The following ESRRG variants were observed in gnomAD, a reference collection of about 807,000 sequenced individuals.
ESRRG encodes the protein estrogen related receptor gamma.
Under a neutral mutation model 44.0 loss-of-function variants are expected in ESRRG, and 13 were observed. That is an observed-to-expected ratio of 0.30 (90% CI 0.19 to 0.47). The LOEUF (loss-of-function observed/expected upper bound fraction) is 0.47, where lower values mean the gene tolerates loss of function less well. Among genes scored for constraint, ESRRG ranks in the 20% least tolerant of loss-of-function variants. The probability of loss-of-function intolerance (pLI) is 1.00; values close to 1 mark genes in which losing one functional copy is unlikely to be tolerated. For missense variants in ESRRG, 395 were observed against 580.6 expected (o/e 0.68, Z 3.29); for synonymous variants, 215 against 214.6 (o/e 1.00, Z -0.02).
At chr1:216,860,253 G>A (rs1390633826) in intron 2 of ESRRG, among the ~76,000 whole-genome samples, 1 of 152,078 alleles carries the variant, frequency 6.6e-6, no homozygotes, top group Non-Finnish European at 1.5e-5. Context: ...GACAGAGCGA[G>A]ACTCTGTCAA....
chr1:216,863,691 T>C (rs2096093239), intron 2 of ESRRG: 1 of 152,214 alleles, frequency 6.6e-6, no homozygotes, highest in Non-Finnish European at 1.5e-5. Context: ...TTTTTCTTTC[T>C]CAGGAGTCAT....
chr1:216,914,055 G>GA (rs987564992), intron 2 of ESRRG, among the ~76,000 whole-genome samples: 12 of 152,048 alleles, frequency 7.9e-5, no homozygotes, highest in Non-Finnish European at 1.6e-4. Context: ...TCCTGGTCAA[G>GA]AAAAACCTAT....
At chr1:216,948,382 C>T (rs1004810899) in intron 1 of ESRRG, among the ~76,000 whole-genome samples, 4 of 148,256 alleles carry the variant, frequency 2.7e-5, no homozygotes, top group African/African-American at 1.0e-4. Flanking sequence ...GAGGTGTAGG[C>T]AGGAGAATCT....
At chr1:217,121,140 A>G (rs2102497988) in intron 1 of ESRRG, among the ~76,000 whole-genome samples, 1 of 152,170 alleles carries the variant, frequency 6.6e-6, no homozygotes, top group South Asian at 2.1e-4. Flanking sequence ...ACACACACAC[A>G]CACACACACA....
chr1:216,938,587 A>T (rs1034900684), intron 2 of ESRRG, among the ~76,000 whole-genome samples: 5 of 152,202 alleles, frequency 3.3e-5, no homozygotes, highest in African/African-American at 1.2e-4. Flanking sequence ...CTAAAGTGCC[A>T]TTTTCCACAC....
intron 6 of ESRRG, among the ~76,000 whole-genome samples, chr1:216,508,084 G>A (rs1277613401): frequency 6.6e-6 from 1 of 152,120 alleles, no homozygotes; most frequent in African/African-American, 2.4e-5. Context: ...GTCTTTGGGG[G>A]ATTCTTCATG....
intron 3 of ESRRG, among the ~76,000 whole-genome samples, chr1:216,608,402 C>G (rs2060208279): frequency 6.6e-6 from 1 of 152,094 alleles, no homozygotes; most frequent in South Asian, 2.1e-4. Flanking sequence ...AATCTTCTTT[C>G]TTAGGGGATC....
chr1:216,930,808 A>T (rs1007524702), intron 2 of ESRRG, among the ~76,000 whole-genome samples: 4 of 152,234 alleles, frequency 2.6e-5, no homozygotes, highest in African/African-American at 9.6e-5. Context: ...ATGGGACTCC[A>T]GTTAGCTTGT....
At chr1:216,644,895 T>C (rs1187069587) in intron 3 of ESRRG, among the ~76,000 whole-genome samples, 1 of 152,206 alleles carries the variant, frequency 6.6e-6, no homozygotes, top group Non-Finnish European at 1.5e-5. Flanking sequence ...CCTGCTCTTC[T>C]CCTTTCCTAC....
intron 1 of ESRRG, among the ~76,000 whole-genome samples, chr1:216,975,672 T>A (rs969335073): frequency 6.6e-6 from 1 of 152,208 alleles, no homozygotes; most frequent in Non-Finnish European, 1.5e-5. Context: ...TACTTTTAAG[T>A]CTTGAGGAGA....
intron 6 of ESRRG, among the ~76,000 whole-genome samples, chr1:216,513,361 G>A (rs749039499): frequency 2.6e-5 from 4 of 152,088 alleles, no homozygotes; most frequent in South Asian, 2.1e-4. Context: ...TCAAAAAAAT[G>A]TTTAGGTTTC....
At chr1:216,629,676 G>A (rs2063782052) in intron 3 of ESRRG, among the ~76,000 whole-genome samples, 1 of 152,174 alleles carries the variant, frequency 6.6e-6, no homozygotes, top group African/African-American at 2.4e-5. Context: ...CCACCAGGAA[G>A]TAACTTGCGC....
At chr1:216,541,006 G>C (rs2052548819) in intron 5 of ESRRG, among the ~76,000 whole-genome samples, 1 of 152,080 alleles carries the variant, frequency 6.6e-6, no homozygotes, top group African/African-American at 2.4e-5. Flanking sequence ...TCTCTTTTGA[G>C]GCAGGCAACA....
At chr1:216,672,651 T>A (rs967667085) in intron 2 of ESRRG, among the ~76,000 whole-genome samples, 2 of 152,162 alleles carry the variant, frequency 1.3e-5, no homozygotes, top group East Asian at 3.9e-4. Context: ...GAGGATCATT[T>A]GAGGCTAGGA....
chr1:216,902,923 T>G (rs2059253815), intron 2 of ESRRG, among the ~76,000 whole-genome samples: 1 of 152,158 alleles, frequency 6.6e-6, no homozygotes, highest in African/African-American at 2.4e-5. Flanking sequence ...TCCATCCTGT[T>G]TGCACGTTCC....
At chr1:216,709,808 CA>C (rs59790025) in intron 1 of ESRRG, among the ~76,000 whole-genome samples, 1 of 151,802 alleles carries the variant, frequency 6.6e-6, no homozygotes, top group African/African-American at 2.4e-5. Flanking sequence ...ATTAAACACA[CA>C]AAAAAATCTT....
At chr1:216,900,842 T>C (rs989654579) in intron 2 of ESRRG, among the ~76,000 whole-genome samples, 8 of 152,192 alleles carry the variant, frequency 5.3e-5, no homozygotes, top group Non-Finnish European at 8.8e-5. Context: ...CATGTAACCA[T>C]ATCCAGTTCT....
chr1:216,753,649 G>A (rs1465517795), intron 2 of ESRRG, among the ~76,000 whole-genome samples: 5 of 152,090 alleles, frequency 3.3e-5, no homozygotes. Context: ...ACATAAAAGT[G>A]TATATATTCT....
At chr1:217,060,865 G>A (rs536625915) in intron 1 of ESRRG, among the ~76,000 whole-genome samples, 2 of 146,432 alleles carry the variant, frequency 1.4e-5, no homozygotes, top group Non-Finnish European at 3.1e-5. Context: ...AGAATTCCTA[G>A]TGCCTGAAAG....
Sources: allele counts gnomAD v4.1 joint callset (sites outside exome capture counted in the v4.1 genomes callset), GRCh38; gene constraint gnomAD v4.1.1; transcripts MANE v1.5; gene names NCBI Gene and HGNC (gene_info 2026-07-23, HGNC 2026-07-21).